The following NUP153 variants were observed in gnomAD, a reference collection of about 807,000 sequenced individuals.
NUP153 encodes the protein nuclear pore complex protein Nup153.
Under a neutral mutation model 134.6 loss-of-function variants are expected in NUP153, and 27 were observed. The observed-to-expected ratio is 0.20, with a 90% CI of 0.15 to 0.28. The LOEUF (loss-of-function observed/expected upper bound fraction) is 0.28. Ranked by LOEUF, NUP153 falls within the 10% of genes least tolerant of loss-of-function variation. NUP153 has a pLI of 1.00. For synonymous variants in NUP153, 640 were observed against 623.5 expected (o/e 1.03, Z -0.40); for missense variants, 1,821 against 1,731.3 (o/e 1.05, Z -0.92).
At chr6:17,679,504 T>TGTCTTTTGC (rs1399519852) in intron 2 of NUP153, among the ~76,000 whole-genome samples, 1 of 152,120 alleles carries the variant, frequency 6.6e-6, no homozygotes, top group Admixed American at 6.5e-5. Context: ...TTTGCAGAAA[T>TGTCTTTTGC]AGAAAACCCA....
chr6:17,666,624 A>G (rs1767545590), intron 8 of NUP153, among the ~76,000 whole-genome samples: 1 of 152,222 alleles, frequency 6.6e-6, no homozygotes, highest in Non-Finnish European at 1.5e-5. Context: ...AACCAAACCA[A>G]AAATCTTACA....
rs371103219 is a variant in NUP153, at chr6:17,640,052, G to A, written c.1733C>T (p.Thr578Ile). Residue 578 changes from threonine to isoleucine, a missense_variant, in exon 15 of 22, where the codon ACT becomes ATT. Physicochemically the swap from Thr to Ile is moderately conservative, Grantham distance 89. Coordinates refer to ENST00000262077, the MANE Select transcript of NUP153 (RefSeq NM_005124.4). ...CTTACAATTTGTACTGTTCACTGTA[G>A]TGACATGATGAGCTGTAATTTTTTT... ...PIISSSAHHV[T>I]TVNSTNCKKT... 5.7e-6 allele frequency: 9 copies of A among 1,573,594 alleles called. No homozygotes were observed. In the African/African-American group the frequency reaches 1.1e-4, roughly 19 times the overall value.
chr6:17,669,614 AT>A (rs761205652), intron 5 of NUP153, 68 bp from the exon 6 acceptor site: 5 of 1,064,580 alleles, frequency 4.7e-6, no homozygotes, highest in Non-Finnish European at 7.3e-6. Context: ...TGCAGTGAAA[AT>A]ATTTACAAGA....
chr6:17,620,087 G>A (rs182933897), intron 20 of NUP153, among the ~76,000 whole-genome samples: 1 of 74,612 alleles, frequency 1.3e-5, no homozygotes, highest in African/African-American at 5.5e-5. Flanking sequence ...AACAGAGCAA[G>A]ACACCATCAA....
At chr6:17,616,412 C>G in intron 21 of NUP153, 115 bp downstream of exon 21, 1 of 948,484 alleles carries the variant, frequency 1.1e-6, no homozygotes, top group Non-Finnish European at 1.6e-6. Flanking sequence ...TGTTGGAGAA[C>G]ATATTTAATT....
At chr6:17,631,506 TC>T (rs1283157649) in intron 17 of NUP153, among the ~76,000 whole-genome samples, 1 of 152,174 alleles carries the variant, frequency 6.6e-6, no homozygotes, top group Non-Finnish European at 1.5e-5. Context: ...CTACCCCCCA[TC>T]CCATCCTCTC....
intron 20 of NUP153, among the ~76,000 whole-genome samples, chr6:17,619,852 G>A (rs981725449): frequency 6.6e-6 from 1 of 151,976 alleles, no homozygotes; most frequent in African/African-American, 2.4e-5. Context: ...AATCCTAGCA[G>A]TTTGGGAGGC....
intron 14 of NUP153, 116 bp downstream of exon 14, chr6:17,645,951 G>C: frequency 2.1e-6 from 1 of 465,652 alleles, no homozygotes; most frequent in East Asian, 3.5e-5. Context: ...GCTTTTCAGA[G>C]CTAATTTCAT....
At chr6:17,695,111 T>C (rs1222615375) in intron 1 of NUP153, among the ~76,000 whole-genome samples, 1 of 152,212 alleles carries the variant, frequency 6.6e-6, no homozygotes, top group Non-Finnish European at 1.5e-5. Context: ...AAATGCTAAA[T>C]CTAGTAAAAC....
chr6:17,687,662 AC>A (rs1443742376), intron 2 of NUP153, among the ~76,000 whole-genome samples: 1 of 152,220 alleles, frequency 6.6e-6, no homozygotes, highest in Non-Finnish European at 1.5e-5. Flanking sequence ...AGGGCATACA[AC>A]CAAATCAATT....
In NUP153 at chr6:17,671,825, T is replaced by C. The variant is rs6901119; in HGVS notation, c.853-2279A>G. On this transcript the variant is annotated intron_variant, in intron 5 of 21. Transcript: ENST00000262077. Reference sequence around the variant, plus strand: ...GAGTTCGAGACCAGCCTGGCCAACATGGTAAAACCCTGTCTCTACTAAAAA... The same window carrying C: ...GAGTTCGAGACCAGCCTGGCCAACACGGTAAAACCCTGTCTCTACTAAAAA... 2.6e-3 allele frequency among the ~76,000 whole-genome samples: 394 copies of C among 152,174 alleles called. 6 individuals carry two copies. The highest frequency in any genetic ancestry group is 8.8e-3 in the African/African-American group (365 of 41,512).
chr6:17,620,056 C>T (rs536800927), intron 20 of NUP153, among the ~76,000 whole-genome samples: 3 of 133,432 alleles, frequency 2.2e-5, no homozygotes, highest in African/African-American at 8.5e-5. Flanking sequence ...CAAGATTGCA[C>T]CATTATACTC....
Position 17,675,565 on chromosome 6 carries a change from G to A in NUP153, c.540C>T (p.Asn180=). The change falls in exon 3 of 22, where the codon AAC becomes AAT. Residue 180 remains asparagine (N), a synonymous_variant. Coordinates refer to ENST00000262077, the MANE Select transcript of NUP153 (RefSeq NM_005124.4). The surrounding 1 kb of genome is among the most constrained non-coding windows in gnomAD (Gnocchi z 4.4). ...AAGAAAAACCACTGGTAGTTGAGAT[G>A]TTATCATCATCATGCTGAGAGGTAG... is the stretch of plus-strand genomic sequence containing the variant. The part of the protein sequence containing the change: ...KDSTSQHDDD[N]ISTTSGFSSR... The A allele has an allele frequency of 1.2e-6, 2 of 1,613,904 alleles. No individual in the cohort carries two copies. Among genetic ancestry groups the A allele is most frequent in the Non-Finnish European group, 1.7e-6 (2 of 1,179,780 alleles).
intron 5 of NUP153, among the ~76,000 whole-genome samples, chr6:17,672,771 CAG>C (rs1561893533): frequency 6.6e-6 from 1 of 152,020 alleles, no homozygotes; most frequent in Admixed American, 6.5e-5. Context: ...TTGAGCCCAG[CAG>C]TTCAGGATCA....
chr6:17,626,345 A>G (rs1323846515), intron 18 of NUP153, among the ~76,000 whole-genome samples, 181 bp from the exon 19 acceptor site: 3 of 152,262 alleles, frequency 2.0e-5, no homozygotes, highest in Non-Finnish European at 4.4e-5. Flanking sequence ...AAAGTCAAAT[A>G]CATTCATCTT....
chr6:17,619,972 C>T (rs1764561025), intron 20 of NUP153, among the ~76,000 whole-genome samples: 1 of 151,946 alleles, frequency 6.6e-6, no homozygotes, highest in Non-Finnish European at 1.5e-5. Flanking sequence ...GTGGCACGCG[C>T]CTGTAATCCC....
At chr6:17,666,032 C>G (rs1356580251) in intron 8 of NUP153, among the ~76,000 whole-genome samples, 2 of 150,962 alleles carry the variant, frequency 1.3e-5, no homozygotes, top group East Asian at 3.9e-4. Flanking sequence ...GCTGTGTTGC[C>G]CAGGCTGATC....
At position 17,628,717 on chromosome 6, in the gene NUP153, T is replaced by C; in HGVS notation, c.3482A>G (p.Lys1161Arg). The C allele has an allele frequency of 6.2e-7, 1 of 1,613,940 alleles. No homozygotes were observed. The stretch of plus-strand genomic sequence containing the variant: ...GGCTTTTGCTGGCTGTTCAGATTCC[T>C]TCTCAGATGGTTTTGTCATACTAAA... ...FSFSMTKPSE[K>R]ESEQPAKATF... is the part of the protein sequence containing the mutation. The change falls in exon 18 of 22, where the codon AAG becomes AGG. Residue 1161 changes from lysine (K) to arginine (R), a missense_variant. Coordinates refer to ENST00000262077, the MANE Select transcript of NUP153 (RefSeq NM_005124.4). This position sits in a 1 kb window ranked among gnomAD's most constrained non-coding sequence, Gnocchi z 5.4.
chr6:17,655,195 T>A (rs188595931), intron 11 of NUP153, among the ~76,000 whole-genome samples: 6 of 152,330 alleles, frequency 3.9e-5, no homozygotes, highest in Admixed American at 2.0e-4. Flanking sequence ...ATATATTTAA[T>A]GACTACAATC....
Sources: gnomAD v4.1 joint callset for allele counts (sites outside exome capture counted in the v4.1 genomes callset) on GRCh38, gnomAD v4.1.1 for gene constraint, Gnocchi (gnomAD v3.1) non-coding constraint, MANE v1.5 for transcripts, NCBI Gene and HGNC (gene_info 2026-07-23, HGNC 2026-07-21) for gene names.